The following LINGO2 variants were observed in gnomAD, a reference collection of about 807,000 sequenced individuals.
LINGO2 encodes leucine rich repeat and Ig domain containing 2.
In LINGO2, 14 loss-of-function variants were observed where a neutral mutation model predicts 30.6. The observed-to-expected ratio is 0.46, with a 90% CI of 0.30 to 0.72. The LOEUF (loss-of-function observed/expected upper bound fraction) is 0.72, where lower values mean the gene tolerates loss of function less well. LINGO2 is among the 30% of genes least tolerant of loss of function. The pLI is 0.07. For synonymous variants in LINGO2, 317 were observed against 288.5 expected (o/e 1.10, Z -1.00); for missense variants, 729 against 751.7 (o/e 0.97, Z 0.35).
intron 4 of LINGO2, among the ~76,000 whole-genome samples, chr9:28,053,155 G>T (rs1297983896): frequency 1.3e-5 from 2 of 152,092 alleles, no homozygotes; most frequent in Non-Finnish European, 2.9e-5. Flanking sequence ...ATTTGACTTG[G>T]ATTCAAGGAA....
intron 1 of LINGO2, among the ~76,000 whole-genome samples, chr9:28,598,235 A>G (rs1202215432): frequency 3.3e-5 from 5 of 152,152 alleles, no homozygotes; most frequent in Non-Finnish European, 7.4e-5. Context: ...AGAAACAAAT[A>G]CTAACAACAT....
chr9:28,353,997 C>T (rs541295698), intron 3 of LINGO2, among the ~76,000 whole-genome samples: 217 of 152,064 alleles, frequency 1.4e-3, no homozygotes, highest in African/African-American at 5.0e-3. Flanking sequence ...ACTCTGGGGC[C>T]TGTTGTGGGG....
chr9:28,320,799 C>G (rs1825013685), intron 3 of LINGO2, among the ~76,000 whole-genome samples: 1 of 152,156 alleles, frequency 6.6e-6, no homozygotes. Flanking sequence ...CTTGCCAACT[C>G]CCTCAGACAT....
At chr9:28,350,937 T>G (rs1463809088) in intron 3 of LINGO2, among the ~76,000 whole-genome samples, 2 of 152,086 alleles carry the variant, frequency 1.3e-5, no homozygotes, top group Non-Finnish European at 2.9e-5. Context: ...AATAAAGATG[T>G]TCTTTGAAAC....
chr9:29,198,613 A>C, the LINGO2 span, among the ~76,000 whole-genome samples: 1 of 152,118 alleles, frequency 6.6e-6, no homozygotes, highest in Non-Finnish European at 1.5e-5. Context: ...AGTTTGTGTC[A>C]TTCCGTATTT....
At chr9:28,308,588 C>A (rs28793890) in intron 3 of LINGO2, among the ~76,000 whole-genome samples, 120 of 144,100 alleles carry the variant, frequency 8.3e-4, no homozygotes, top group East Asian at 7.1e-3. Flanking sequence ...AACGGGATCT[C>A]ATTAAACTAA....
the LINGO2 span, among the ~76,000 whole-genome samples, chr9:29,088,357 G>C: frequency 6.6e-6 from 1 of 151,972 alleles, no homozygotes. Flanking sequence ...TTCTATCAGA[G>C]AACATACACA....
At chr9:28,960,542 T>C in the LINGO2 span, among the ~76,000 whole-genome samples, 1 of 147,206 alleles carries the variant, frequency 6.8e-6, no homozygotes, top group Non-Finnish European at 1.5e-5. Context: ...GTGTTGTGTG[T>C]TATAGAAAAA....
chr9:28,003,514 A>C (rs1387294730), intron 5 of LINGO2, among the ~76,000 whole-genome samples: 1 of 152,172 alleles, frequency 6.6e-6, no homozygotes. Context: ...GCTGGAGTAC[A>C]GTGGCACAAT....
the LINGO2 span, among the ~76,000 whole-genome samples, chr9:28,989,294 T>A: frequency 6.6e-5 from 10 of 152,306 alleles, no homozygotes; most frequent in Middle Eastern, 3.4e-3. Context: ...AATATTAGCA[T>A]TGCATCAAGA....
chr9:28,877,408 C>T, the LINGO2 span, among the ~76,000 whole-genome samples: 3 of 151,974 alleles, frequency 2.0e-5, no homozygotes, highest in Admixed American at 6.6e-5. Context: ...GTCGTTAATC[C>T]ATCTTGAATT....
At chr9:28,886,614 A>G in the LINGO2 span, among the ~76,000 whole-genome samples, 2 of 152,166 alleles carry the variant, frequency 1.3e-5, no homozygotes, top group Admixed American at 6.6e-5. Flanking sequence ...TTTTCTTCCA[A>G]TTTTAAGTAA....
intron 4 of LINGO2, among the ~76,000 whole-genome samples, chr9:28,150,894 G>A (rs1827980482): frequency 6.6e-6 from 1 of 152,170 alleles, no homozygotes; most frequent in Admixed American, 6.5e-5. Context: ...AATCATAGAG[G>A]ATATTAAGAA....
chr9:28,675,355 T>C, the LINGO2 span, among the ~76,000 whole-genome samples: 1 of 152,162 alleles, frequency 6.6e-6, no homozygotes, highest in Non-Finnish European at 1.5e-5. Context: ...ATCATTGCAG[T>C]TGATCAAAGT....
chr9:28,483,731 A>G (rs886130474), intron 1 of LINGO2, among the ~76,000 whole-genome samples: 1 of 152,054 alleles, frequency 6.6e-6, no homozygotes, highest in Non-Finnish European at 1.5e-5. Flanking sequence ...GATTTACTTT[A>G]TTCTAAAACT....
the LINGO2 span, among the ~76,000 whole-genome samples, chr9:28,925,334 T>G: frequency 6.6e-6 from 1 of 152,156 alleles, no homozygotes; most frequent in Admixed American, 6.5e-5. Context: ...ACTACATGAC[T>G]AACGATAGGA....
At chr9:28,566,204 G>A (rs938817464) in intron 1 of LINGO2, among the ~76,000 whole-genome samples, 8 of 152,004 alleles carry the variant, frequency 5.3e-5, no homozygotes, top group African/African-American at 1.7e-4. Flanking sequence ...GCAACAAAGG[G>A]GACAACCAAG....
At chr9:28,567,448 T>C (rs1463711340) in intron 1 of LINGO2, among the ~76,000 whole-genome samples, 1 of 152,150 alleles carries the variant, frequency 6.6e-6, no homozygotes, top group Non-Finnish European at 1.5e-5. Flanking sequence ...ATATACACTG[T>C]GAAATAATAT....
intron 4 of LINGO2, among the ~76,000 whole-genome samples, chr9:28,047,366 G>GTTCATAAAACATATGACAA (rs1406768508): frequency 8.8e-4 from 124 of 141,438 alleles, no homozygotes; most frequent in Middle Eastern, 3.5e-3. Context: ...CTGTATGAAA[G>GTTCATAAAACATATGACAA]ATCTACTAAA....
Sources: allele counts gnomAD v4.1 joint callset (sites outside exome capture counted in the v4.1 genomes callset), GRCh38; gene constraint gnomAD v4.1.1; transcripts MANE v1.5; gene names NCBI Gene and HGNC (gene_info 2026-07-23, HGNC 2026-07-21).